The following LRRIQ1 variants were observed in gnomAD, a reference collection of about 807,000 sequenced individuals.
The protein encoded by LRRIQ1 is leucine-rich repeat- and IQ domain-containing protein 1.
LRRIQ1 carries 210 observed loss-of-function variants against 211.9 expected under a neutral mutation model. The observed-to-expected ratio is 0.99, with a 90% CI of 0.89 to 1.11. The LOEUF is 1.11. Among genes scored for constraint, LRRIQ1 ranks in the 50% most tolerant of loss-of-function variants. The pLI is 0.00. For missense variants in LRRIQ1, 2,136 were observed against 1,939.5 expected, an observed-to-expected ratio of 1.10 and a Z score of -1.90; for synonymous variants, 699 against 650.1, an observed-to-expected ratio of 1.08 and a Z score of -1.14.
intron 13 of LRRIQ1, among the ~76,000 whole-genome samples, chr12:85,103,718 C>T (rs1370164756): frequency 6.6e-6 from 1 of 151,400 alleles, no homozygotes; most frequent in Non-Finnish European, 1.5e-5. Context: ...ACATGAAAAT[C>T]CATGATTTTT....
rs1056564937 is a variant in LRRIQ1 at position 85,098,337 on chromosome 12, A to G, written c.2888-18A>G. 1 of 1,545,710 alleles carries G rather than the reference A, an allele frequency of 6.5e-7. No homozygotes were observed. Among genetic ancestry groups the G allele is most frequent in the Admixed American group, 1.8e-5 (1 of 56,616 alleles). On this transcript the variant is annotated intron_variant, in intron 11 of 26. Coordinates refer to ENST00000393217, the MANE Select transcript of LRRIQ1 (RefSeq NM_001079910.2). The stretch of plus-strand genomic sequence containing the variant: ...AAGACTGTATGACACAGGTGATCTT[A>G]TAACTTTTTTCTTCTAGGTGGTTTA...
chr12:85,202,073 T>G (rs1893326824), intron 24 of LRRIQ1, among the ~76,000 whole-genome samples: 1 of 152,118 alleles, frequency 6.6e-6, no homozygotes, highest in Non-Finnish European at 1.5e-5. Context: ...CAGGTTTCCA[T>G]GTAATTATGT....
chr12:85,154,729 CTA>C (rs1890447091), intron 23 of LRRIQ1, among the ~76,000 whole-genome samples: 1 of 151,118 alleles, frequency 6.6e-6, no homozygotes, highest in Non-Finnish European at 1.5e-5. Context: ...TTAATTAAAA[CTA>C]TTTAAAATAA....
the LRRIQ1 span, among the ~76,000 whole-genome samples, chr12:85,271,802 T>C: frequency 6.6e-6 from 1 of 152,162 alleles, no homozygotes; most frequent in Non-Finnish European, 1.5e-5. Flanking sequence ...TGGGTTTGCA[T>C]CCATTAATTT....
intron 26 of LRRIQ1, among the ~76,000 whole-genome samples, chr12:85,239,144 A>G (rs1895341172): frequency 6.6e-6 from 1 of 152,128 alleles, no homozygotes; most frequent in Non-Finnish European, 1.5e-5. Flanking sequence ...GAAAAACTCA[A>G]ATTGTAAGAA....
intron 19 of LRRIQ1, among the ~76,000 whole-genome samples, chr12:85,138,409 C>A (rs1889287063): frequency 6.6e-6 from 1 of 151,438 alleles, no homozygotes; most frequent in South Asian, 2.1e-4. Context: ...AAATTTAATA[C>A]TTTTAAAGAC....
At chr12:85,200,952 TG>T (rs1320545186) in intron 24 of LRRIQ1, among the ~76,000 whole-genome samples, 1 of 151,970 alleles carries the variant, frequency 6.6e-6, no homozygotes, top group Non-Finnish European at 1.5e-5. Flanking sequence ...CCCGAGTAGC[TG>T]GGACTGCAGG....
At chr12:85,050,435 A>T (rs1171362885) in intron 6 of LRRIQ1, among the ~76,000 whole-genome samples, 1 of 152,204 alleles carries the variant, frequency 6.6e-6, no homozygotes, top group Non-Finnish European at 1.5e-5. Context: ...TACTCAGAGA[A>T]CTTTATGTAT....
At chr12:85,132,027 C>A (rs556923410) in intron 18 of LRRIQ1, among the ~76,000 whole-genome samples, 1 of 152,228 alleles carries the variant, frequency 6.6e-6, no homozygotes, top group African/African-American at 2.4e-5. Context: ...ATAGATATCT[C>A]TGTGTGACAC....
chr12:85,153,851 A>G, intron 22 of LRRIQ1, 93 bp downstream of exon 22: 1 of 961,318 alleles, frequency 1.0e-6, no homozygotes, highest in Non-Finnish European at 1.5e-6. Flanking sequence ...GAATACCTAT[A>G]TTAGTTTTTT....
rs763758526 is a variant in LRRIQ1, at chr12:85,052,254, A to T, written c.753+3A>T. 1.4e-6 allele frequency: 2 copies of T among 1,424,998 alleles called. No individual in the cohort carries two copies. Among genetic ancestry groups the T allele is most frequent in the South Asian group, 2.6e-5 (2 of 78,120 alleles). 88.3% of individuals were successfully genotyped at this position (1,424,998 alleles called of 1,614,324 possible). On this transcript the variant is annotated splice_donor_region_variant and intron_variant, in intron 7 of 26. Coordinates refer to ENST00000393217, the MANE Select transcript of LRRIQ1 (RefSeq NM_001079910.2). ...AAGAGAAATTTAAACAGCATGAGGT[A>T]TCTATTTGTTGTTTTTATTTAGCAC...
rs561129272 is a variant in LRRIQ1, at chr12:85,045,304, A to G, written c.336+495A>G. 6.3e-3 allele frequency among the ~76,000 whole-genome samples: 955 copies of G among 151,988 alleles called. 6 individuals are homozygous for G. The highest frequency in any genetic ancestry group is 7.6e-3 in the Non-Finnish European group (518 of 67,826). On this transcript the variant is annotated intron_variant, in intron 4 of 26. Coordinates refer to ENST00000393217, the MANE Select transcript of LRRIQ1 (RefSeq NM_001079910.2). The stretch of plus-strand genomic sequence containing the variant: ...AAATCCCACAAATGGATTTAAGAGA[A>G]AGTCTCTCCTAAAGATTCACTTCTT...
intron 24 of LRRIQ1, among the ~76,000 whole-genome samples, chr12:85,207,780 A>G (rs567160909): frequency 9.2e-4 from 140 of 152,242 alleles, no homozygotes; most frequent in African/African-American, 3.2e-3. Context: ...ATTTGATGAA[A>G]AAAGTATTTT....
rs748427114 is a variant in LRRIQ1, at chr12:85,040,524, G to C, written c.167G>C (p.Cys56Ser). The change falls in exon 3 of 27, where the codon TGT (cysteine) becomes TCT (serine). Residue 56 changes from cysteine (C) to serine (S), a missense_variant. Physicochemically the swap from Cys to Ser is moderately radical, Grantham distance 112 (BLOSUM62 -1). Coordinates refer to ENST00000393217, the MANE Select transcript of LRRIQ1 (RefSeq NM_001079910.2). ...GAATTACCAGAATCAGTTCTTCACT[G>C]TATTAACATCATAAAGAACAGGAGT... ...SVELPESVLHCINIIKNRSKA... is the reference protein window; with the variant it reads ...SVELPESVLHSINIIKNRSKA... 6.3e-7 allele frequency: 1 copy of C among 1,591,336 alleles called. No homozygotes were observed. Among genetic ancestry groups the C allele is most frequent in the Non-Finnish European group, 8.6e-7 (1 of 1,167,476 alleles).
chr12:85,065,508 T>C, intron 9 of LRRIQ1, 94 bp downstream of exon 9: 1 of 1,017,646 alleles, frequency 9.8e-7, no homozygotes, highest in Non-Finnish European at 1.3e-6. Flanking sequence ...AAGAAACAAT[T>C]ACTAAACTAA....
intron 24 of LRRIQ1, among the ~76,000 whole-genome samples, chr12:85,191,692 A>C (rs1892518600): frequency 6.6e-6 from 1 of 151,956 alleles, no homozygotes; most frequent in African/African-American, 2.4e-5. Flanking sequence ...TGACTGCTGA[A>C]TTGTATGGCA....
At chr12:85,171,622 A>G (rs755272081) in intron 24 of LRRIQ1, among the ~76,000 whole-genome samples, 39 of 152,340 alleles carry the variant, frequency 2.6e-4, no homozygotes, top group Admixed American at 5.9e-4. Context: ...TCAAAAATTC[A>G]TAGGTTGAAG....
intron 24 of LRRIQ1, among the ~76,000 whole-genome samples, chr12:85,180,587 C>T (rs1463553259): frequency 6.6e-6 from 1 of 151,898 alleles, no homozygotes; most frequent in African/African-American, 2.4e-5. Context: ...TTTTAATTAA[C>T]CCCATACATT....
intron 24 of LRRIQ1, among the ~76,000 whole-genome samples, chr12:85,201,611 T>G (rs1445661572): frequency 6.6e-6 from 1 of 152,184 alleles, no homozygotes; most frequent in Non-Finnish European, 1.5e-5. Context: ...GTTTTTTGTA[T>G]TTCTCTAGGG....
Sources: allele counts gnomAD v4.1 joint callset (sites outside exome capture counted in the v4.1 genomes callset), GRCh38; gene constraint gnomAD v4.1.1; transcripts MANE v1.5; gene names NCBI Gene and HGNC (gene_info 2026-07-23, HGNC 2026-07-21).